SLC60A2: variants seen among roughly 807,000 people sequenced by gnomAD.
SLC60A2 encodes solute carrier family 60 member 2, also known as major facilitator superfamily domain containing 4B.
chr6:111,263,853 G>A, the SLC60A2 span: 55 of 1,604,528 alleles, frequency 3.4e-5, no homozygotes, highest in African/African-American at 1.3e-4. Context: ...GGCTACCACC[G>A]TTGGTCTTTA....
chr6:111,272,532 A>G, the SLC60A2 span, among the ~76,000 whole-genome samples: 4 of 122,510 alleles, frequency 3.3e-5, no homozygotes, highest in Non-Finnish European at 3.3e-5. Context: ...TTTTTTTGAG[A>G]TGAAGTTTCA....
At chr6:111,275,956 T>C in the SLC60A2 span, among the ~76,000 whole-genome samples, 5 of 152,198 alleles carry the variant, frequency 3.3e-5, no homozygotes, top group African/African-American at 1.2e-4. Flanking sequence ...TCCCAGCCCT[T>C]GTCAACCACC....
the SLC60A2 span, chr6:111,259,379 C>T: frequency 1.9e-5 from 7 of 361,014 alleles, no homozygotes; most frequent in African/African-American, 4.2e-5. Flanking sequence ...TGCGGCGTGC[C>T]GAAGTTCCTC....
the SLC60A2 span, chr6:111,267,155 TG>T: frequency 6.4e-7 from 1 of 1,554,300 alleles, no homozygotes; most frequent in Non-Finnish European, 8.7e-7. Flanking sequence ...TTTGAATAAC[TG>T]CCACTTCTAA....
the SLC60A2 span, chr6:111,265,082 A>G: frequency 1.2e-5 from 2 of 164,528 alleles, no homozygotes; most frequent in African/African-American, 4.8e-5. Context: ...CTCAAAAACA[A>G]ACAAACAGAA....
the SLC60A2 span, chr6:111,263,724 C>T: frequency 1.6e-6 from 1 of 613,634 alleles, no homozygotes; most frequent in African/African-American, 1.8e-5. Flanking sequence ...TACTCATTAT[C>T]TAATTTAAAT....
the SLC60A2 span, chr6:111,268,400 GTA>G: frequency 4.6e-5 from 7 of 152,072 alleles, no homozygotes; most frequent in Non-Finnish European, 8.8e-5. Flanking sequence ...TTTCCCATAT[GTA>G]TATATAAAAT....
chr6:111,271,771 C>T, the SLC60A2 span, among the ~76,000 whole-genome samples: 1 of 15,632 alleles, frequency 6.4e-5, no homozygotes, highest in African/African-American at 1.3e-4. Flanking sequence ...AACCCCATCT[C>T]TACTAAAAAA....
the SLC60A2 span, among the ~76,000 whole-genome samples, chr6:111,264,646 G>A: frequency 6.6e-6 from 1 of 152,076 alleles, no homozygotes; most frequent in South Asian, 2.1e-4. Flanking sequence ...AAATTAGCCG[G>A]GTGTGGTGGT....
the SLC60A2 span, chr6:111,267,428 G>A: frequency 4.3e-6 from 1 of 233,740 alleles, no homozygotes; most frequent in Non-Finnish European, 8.3e-6. Context: ...TGAGAAGGGG[G>A]GTATTCTCAG....
chr6:111,263,740 C>T, the SLC60A2 span: 1 of 641,784 alleles, frequency 1.6e-6, no homozygotes, highest in East Asian at 2.7e-5. Context: ...TAAATTTGAC[C>T]TGATTTTGCA....
At chr6:111,259,603 C>A in the SLC60A2 span, 2 of 1,361,130 alleles carry the variant, frequency 1.5e-6, no homozygotes, top group Non-Finnish European at 2.0e-6. Context: ...CTCCTGCAGG[C>A]GGAGGCCCCG....
chr6:111,264,181 A>G, the SLC60A2 span, among the ~76,000 whole-genome samples: 2 of 152,208 alleles, frequency 1.3e-5, no homozygotes, highest in Non-Finnish European at 2.9e-5. Context: ...ATGAGAGATA[A>G]TTGATTTACA....
the SLC60A2 span, chr6:111,266,565 A>G: frequency 1.2e-6 from 2 of 1,614,206 alleles, no homozygotes; most frequent in East Asian, 2.2e-5. Context: ...TTCAATGGCA[A>G]CCACATTTCC....
the SLC60A2 span, chr6:111,259,419 G>A: frequency 7.4e-6 from 3 of 402,956 alleles, no homozygotes; most frequent in African/African-American, 2.1e-5. Flanking sequence ...GCGGTCCGCT[G>A]GGAGGTGGCG....
chr6:111,277,718 G>A, the SLC60A2 span, among the ~76,000 whole-genome samples: 1 of 152,174 alleles, frequency 6.6e-6, no homozygotes, highest in East Asian at 1.9e-4. Flanking sequence ...TCCTTGGTGT[G>A]TGTTTTTGTT....
chr6:111,266,334 A>ATG, the SLC60A2 span: 1 of 1,613,764 alleles, frequency 6.2e-7, no homozygotes, highest in Non-Finnish European at 8.5e-7. Context: ...ATTTGCAACC[A>ATG]CCCATGCTGG....
chr6:111,259,359 C>CACG, the SLC60A2 span: 1 of 329,814 alleles, frequency 3.0e-6, no homozygotes, highest in Non-Finnish European at 5.5e-6. Context: ...CGTCTTTTGC[C>CACG]ACGAACACCT....
At chr6:111,271,808 T>G in the SLC60A2 span, among the ~76,000 whole-genome samples, 46 of 37,596 alleles carry the variant, frequency 1.2e-3, no homozygotes, top group Non-Finnish European at 2.1e-3. Flanking sequence ...AAAAAAAAAG[T>G]ACAAATAGTT....
Sources: allele counts gnomAD v4.1 joint callset (sites outside exome capture counted in the v4.1 genomes callset), GRCh38; gene constraint gnomAD v4.1.1; transcripts MANE v1.5; gene names NCBI Gene and HGNC (gene_info 2026-07-23, HGNC 2026-07-21).